TBC1D5: variants seen among roughly 807,000 people sequenced by gnomAD.
TBC1D5 encodes the protein TBC1 domain family member 5.
In TBC1D5, 75 loss-of-function variants were observed where a neutral mutation model predicts 100.3. The ratio of observed to expected loss-of-function variants is 0.75; its 90% CI spans 0.62 to 0.91. The LOEUF (loss-of-function observed/expected upper bound fraction) is 0.91, where lower values mean the gene tolerates loss of function less well. Ranked by LOEUF, TBC1D5 falls within the 40% of genes least tolerant of loss-of-function variation. TBC1D5 has a pLI of 0.00. For missense variants in TBC1D5, 910 were observed against 942.4 expected (o/e 0.97, Z 0.45); for synonymous variants, 323 against 325.6 (o/e 0.99, Z 0.09).
At chr3:17,375,312 T>A (rs1293697484) in intron 10 of TBC1D5, among the ~76,000 whole-genome samples, 4 of 152,066 alleles carry the variant, frequency 2.6e-5, no homozygotes, top group Non-Finnish European at 5.9e-5. Flanking sequence ...CTCACACCTG[T>A]AATCCCAACA....
chr3:17,443,116 C>T (rs1463952284), intron 3 of TBC1D5, among the ~76,000 whole-genome samples: 7 of 152,124 alleles, frequency 4.6e-5, no homozygotes, highest in African/African-American at 1.7e-4. Flanking sequence ...ATACAATAAA[C>T]AGATACCAAC....
chr3:17,525,961 A>G (rs1455481006), intron 2 of TBC1D5, among the ~76,000 whole-genome samples: 2 of 152,186 alleles, frequency 1.3e-5, no homozygotes, highest in Non-Finnish European at 2.9e-5. Context: ...GTTAATCTCA[A>G]ATGCTTCATT....
At chr3:17,423,224 A>C (rs1434170467) in intron 4 of TBC1D5, among the ~76,000 whole-genome samples, 1 of 152,110 alleles carries the variant, frequency 6.6e-6, no homozygotes, top group African/African-American at 2.4e-5. Context: ...ACATATATAA[A>C]GTTCCCTTTA....
In TBC1D5 at chr3:17,231,389, T is replaced by C. The variant is rs138625844; in HGVS notation, c.1588+6774A>G. Among the ~76,000 whole-genome samples, 378 of 152,228 alleles carry C rather than the reference T, an allele frequency of 2.5e-3. 1 individual carries two copies. Among genetic ancestry groups the C allele is most frequent in the Middle Eastern group, 6.8e-3 (2 of 292 alleles). On this transcript the variant is annotated intron_variant, in intron 17 of 21. Transcript: ENST00000253692. Reference sequence around the variant, plus strand: ...TGAATAATTCTCTAAAAATTACTTATTGATCTAAATTATGGAATCTCACCT... The same window carrying C: ...TGAATAATTCTCTAAAAATTACTTACTGATCTAAATTATGGAATCTCACCT...
At chr3:17,534,489 C>T (rs1441293829) in intron 2 of TBC1D5, among the ~76,000 whole-genome samples, 1 of 152,132 alleles carries the variant, frequency 6.6e-6, no homozygotes, top group Non-Finnish European at 1.5e-5. Flanking sequence ...GCAGTACTTG[C>T]AAAATCTGTA....
intron 1 of TBC1D5, among the ~76,000 whole-genome samples, chr3:17,694,533 G>A (rs1477482643): frequency 6.6e-6 from 1 of 152,152 alleles, no homozygotes; most frequent in Non-Finnish European, 1.5e-5. Context: ...AAAGCAAGGA[G>A]ACAGGGTTAG....
chr3:17,305,840 C>T (rs2083339188), intron 14 of TBC1D5, among the ~76,000 whole-genome samples: 1 of 152,198 alleles, frequency 6.6e-6, no homozygotes, highest in South Asian at 2.1e-4. Context: ...TCCTGAACTA[C>T]CATCACAACT....
intron 16 of TBC1D5, among the ~76,000 whole-genome samples, chr3:17,240,284 T>A (rs1049549479): frequency 6.6e-6 from 1 of 152,134 alleles, no homozygotes; most frequent in Non-Finnish European, 1.5e-5. Context: ...TTCAGCTTTA[T>A]AAAAGAAAGA....
intron 2 of TBC1D5, among the ~76,000 whole-genome samples, chr3:17,617,705 G>A (rs558254687): frequency 2.6e-5 from 4 of 152,210 alleles, no homozygotes; most frequent in African/African-American, 9.6e-5. Context: ...TGAAGCTTGT[G>A]CGTGCATCAC....
intron 13 of TBC1D5, among the ~76,000 whole-genome samples, chr3:17,326,531 T>G (rs961005523): frequency 6.6e-6 from 1 of 152,306 alleles, no homozygotes; most frequent in African/African-American, 2.4e-5. Context: ...GGAGTATAGC[T>G]GTACAATCAT....
intron 2 of TBC1D5, among the ~76,000 whole-genome samples, chr3:17,587,767 G>T (rs567061011): frequency 6.6e-6 from 1 of 152,010 alleles, no homozygotes; most frequent in South Asian, 2.1e-4. Context: ...GCTGCTCCTT[G>T]CAGAGTGCTA....
At chr3:17,600,289 G>C (rs551571923) in intron 2 of TBC1D5, among the ~76,000 whole-genome samples, 1 of 152,208 alleles carries the variant, frequency 6.6e-6, no homozygotes, top group East Asian at 1.9e-4. Flanking sequence ...GAATTGTCAG[G>C]TTTGCATTTT....
rs1401475242 is a variant in TBC1D5, at chr3:17,346,859, G to A, written c.995+25216C>T. Among the ~76,000 whole-genome samples, 5 of 152,052 alleles carry A rather than the reference G, an allele frequency of 3.3e-5. No homozygotes were observed. The South Asian group carries it at 6.2e-4, about 19-fold the overall frequency. On this transcript the variant is annotated intron_variant, in intron 13 of 21. Transcript: ENST00000253692. The stretch of plus-strand genomic sequence containing the variant: ...TTCTATCCTTCTATACAAATTTGAA[G>A]TCACCTTTATAATATTAACACACAT...
chr3:17,428,608 A>T, intron 3 of TBC1D5, 89 bp from the exon 4 acceptor site: 1 of 538,872 alleles, frequency 1.9e-6, no homozygotes, highest in Non-Finnish European at 2.9e-6. Context: ...GCAATATATT[A>T]GCCAAAAAGC....
intron 19 of TBC1D5, among the ~76,000 whole-genome samples, chr3:17,175,297 A>G (rs534043868): frequency 1.1e-5 from 1 of 90,010 alleles, no homozygotes; most frequent in Admixed American, 1.3e-4. Context: ...ACTAAAGACA[A>G]TTCTTGAGGC....
At chr3:17,337,134 T>TG (rs1284343875) in intron 13 of TBC1D5, among the ~76,000 whole-genome samples, 2 of 150,712 alleles carry the variant, frequency 1.3e-5, no homozygotes, top group Non-Finnish European at 3.0e-5. Context: ...TTTTTTTTTT[T>TG]TTTTTTTTTT....
intron 2 of TBC1D5, among the ~76,000 whole-genome samples, chr3:17,617,618 C>A (rs972983706): frequency 6.6e-6 from 1 of 152,170 alleles, no homozygotes; most frequent in Non-Finnish European, 1.5e-5. Context: ...CTTCTCTAAA[C>A]TTGTCTTCTC....
At chr3:17,679,450 A>T (rs1560448673) in intron 1 of TBC1D5, among the ~76,000 whole-genome samples, 1 of 151,552 alleles carries the variant, frequency 6.6e-6, no homozygotes, top group Non-Finnish European at 1.5e-5. Context: ...TCAAAATGAC[A>T]ATCATGAATT....
chr3:17,517,957 A>G (rs2096011868), intron 2 of TBC1D5, among the ~76,000 whole-genome samples: 1 of 152,208 alleles, frequency 6.6e-6, no homozygotes, highest in East Asian at 1.9e-4. Flanking sequence ...ATATGGGGAC[A>G]TATATCGAAA....
Sources: allele counts gnomAD v4.1 joint callset (sites outside exome capture counted in the v4.1 genomes callset), GRCh38; gene constraint gnomAD v4.1.1; transcripts MANE v1.5; gene names NCBI Gene and HGNC (gene_info 2026-07-23, HGNC 2026-07-21).